Variants in RNF17 observed in about 807,000 individuals in gnomAD.
The protein encoded by RNF17 is spermatogenesis associated 23.
In RNF17, 31 loss-of-function variants were observed where a neutral mutation model predicts 200.5. The observed-to-expected ratio is 0.15, with a 90% CI of 0.12 to 0.21. The LOEUF (loss-of-function observed/expected upper bound fraction) is 0.21, where lower values mean the gene tolerates loss of function less well. RNF17 is among the 10% of genes least tolerant of loss of function. The pLI is 1.00. For synonymous variants in RNF17, 606 were observed against 637.8 expected, an observed-to-expected ratio of 0.95 and a Z score of 0.75; for missense variants, 1,628 against 1,905.1, an observed-to-expected ratio of 0.85 and a Z score of 2.71.
the RNF17 span, chr13:24,886,414 C>G: frequency 8.1e-7 from 1 of 1,238,864 alleles, no homozygotes; most frequent in South Asian, 1.3e-5. Context: ...TCCATTACAC[C>G]ATGGGAAATC....
At chr13:24,854,566 G>A (rs949387677) in intron 25 of RNF17, among the ~76,000 whole-genome samples, 1 of 151,932 alleles carries the variant, frequency 6.6e-6, no homozygotes, top group Non-Finnish European at 1.5e-5. Context: ...GTAAGCATGT[G>A]CCAAAGAAGG....
At position 24,793,220 on chromosome 13, in the gene RNF17, G is replaced by A; in HGVS notation, c.1114G>A (p.Glu372Lys). The A allele has an allele frequency of 6.2e-7, 1 of 1,614,074 alleles. No individual in the cohort carries two copies. ...ACCTGAGACAAATGATGTACATTTA[G>A]AAGCAAAAAACTTCCAGCCACAGAA... ...LQPETNDVHL[E>K]AKNFQPQKDV... Residue 372 changes from glutamate to lysine, a missense_variant, in exon 10 of 36, where the codon GAA (glutamate) becomes AAA (lysine). This residue lies in a region of RNF17 where 502 missense variants were observed against 501.7 expected (regional missense o/e 1.00). Transcript: ENST00000255324.
chr13:24,808,299 G>A (rs1188193411), intron 15 of RNF17, among the ~76,000 whole-genome samples: 1 of 151,982 alleles, frequency 6.6e-6, no homozygotes, highest in Non-Finnish European at 1.5e-5. Context: ...TCTTCCATTT[G>A]TTTGTATCCT....
At chr13:24,821,849 T>C (rs1433026783) in intron 15 of RNF17, among the ~76,000 whole-genome samples, 2 of 152,226 alleles carry the variant, frequency 1.3e-5, no homozygotes, top group Admixed American at 6.5e-5. Context: ...GCATAATTAT[T>C]AAAATAATTT....
At position 24,832,101 on chromosome 13, in the gene RNF17, T is replaced by A. The variant is rs933537042; in HGVS notation, c.2482+123T>A. ...AGTAGTGGTGGTGAGAGATAAGATT[T>A]GTTGAGAATTAGGTACAATGGAATT... On this transcript the variant is annotated intron_variant, in intron 18 of 35. Transcript: ENST00000255324. 1.4e-5 allele frequency: 9 copies of A among 664,140 alleles called. No homozygotes were observed. In the African/African-American group the frequency reaches 1.7e-4, roughly 12 times the overall value. The allele number at this position is 664,140 out of a possible 1,614,324, so 41.1% of individuals were successfully genotyped here. A position where few individuals can be genotyped will look rare whatever the true frequency, so the allele number is the denominator to read the frequency against.
intron 14 of RNF17, among the ~76,000 whole-genome samples, chr13:24,802,888 A>G (rs1448683567): frequency 2.0e-5 from 3 of 152,116 alleles, no homozygotes; most frequent in Admixed American, 2.0e-4. Flanking sequence ...TCGTCTCTAC[A>G]ACGAAATACA....
chr13:24,811,547 A>AT (rs1398603938), intron 15 of RNF17, among the ~76,000 whole-genome samples: 3 of 151,496 alleles, frequency 2.0e-5, no homozygotes, highest in East Asian at 1.9e-4. Context: ...ATTCTTCTAA[A>AT]TTTTTTTCAA....
chr13:24,793,993 T>C (rs1884220453), intron 10 of RNF17, among the ~76,000 whole-genome samples: 1 of 152,232 alleles, frequency 6.6e-6, no homozygotes, highest in African/African-American at 2.4e-5. Flanking sequence ...GTATTATCAT[T>C]GATGTCTCAA....
intron 18 of RNF17, among the ~76,000 whole-genome samples, chr13:24,834,516 C>T (rs1490667205): frequency 6.6e-6 from 1 of 152,204 alleles, no homozygotes; most frequent in Non-Finnish European, 1.5e-5. Flanking sequence ...CTGAGTACCC[C>T]AACTGCAGAA....
intron 2 of RNF17, among the ~76,000 whole-genome samples, chr13:24,771,677 CAA>C (rs1292808611): frequency 3.4e-5 from 5 of 149,002 alleles, no homozygotes; most frequent in African/African-American, 1.2e-4. Flanking sequence ...CTTCCTAACT[CAA>C]AGTTATATAT....
intron 18 of RNF17, among the ~76,000 whole-genome samples, chr13:24,834,901 C>G (rs1023637003): frequency 1.3e-5 from 2 of 152,150 alleles, no homozygotes; most frequent in African/African-American, 4.8e-5. Context: ...CTTTTCTTTC[C>G]CAGCTGGGAG....
Position 24,861,302 on chromosome 13 carries a change from T to G in RNF17, c.3809T>G (p.Ile1270Ser), listed in dbSNP as rs768169797. 3.8e-6 allele frequency: 6 copies of G among 1,595,674 alleles called. No individual in the cohort carries two copies. The highest frequency in any genetic ancestry group is 5.1e-6 in the Non-Finnish European group (6 of 1,169,910). ...QYLDHGFTEK[I>S]PQCHLYPILL... ...TTAGATCATGGATTCACTGAAAAGA[T>G]TCCGCAGTGCCATCTTTACCCTATT... The change falls in exon 27 of 36, where the codon ATT becomes AGT. Residue 1270 changes from isoleucine to serine, a missense_variant. This residue lies in a region of RNF17 where 609 missense variants were observed against 681.9 expected (regional missense o/e 0.89). Coordinates refer to ENST00000255324, the MANE Select transcript of RNF17 (RefSeq NM_031277.3).
chr13:24,874,370 G>T, intron 33 of RNF17, 121 bp downstream of exon 33: 1 of 789,690 alleles, frequency 1.3e-6, no homozygotes, highest in South Asian at 2.5e-5. Flanking sequence ...TATAAATTAG[G>T]AATTTTTTTC....
chr13:24,796,087 T>A, intron 10 of RNF17, 50 bp from the exon 11 acceptor site: 1 of 1,409,640 alleles, frequency 7.1e-7, no homozygotes, highest in African/African-American at 1.4e-5. Context: ...CTTTCATGAA[T>A]TATTTTCTAA....
At chr13:24,814,331 G>C (rs551293756) in intron 15 of RNF17, among the ~76,000 whole-genome samples, 1 of 152,246 alleles carries the variant, frequency 6.6e-6, no homozygotes, top group East Asian at 1.9e-4. Flanking sequence ...CATTTTGTGG[G>C]TTGTCTTTTC....
At position 24,799,579 on chromosome 13, in the gene RNF17, C is replaced by A; in HGVS notation, c.1584C>A (p.Val528=). Residue 528 remains valine, a synonymous_variant, in exon 12 of 36, where the codon GTC becomes GTA. Transcript: ENST00000255324. ...TTGGAAATTCTGAAGTCCTGATTGT[C>A]ACTGGGTATGATATTTTATAATATG... is the stretch of plus-strand genomic sequence containing the variant. ...VDFGNSEVLI[V]TGVVDTHVRP... is the part of the protein sequence containing the mutation. The A allele has an allele frequency of 1.3e-6, 2 of 1,584,748 alleles. No homozygotes were observed. Among genetic ancestry groups the A allele is most frequent in the South Asian group, 1.1e-5 (1 of 89,776 alleles).
Position 24,845,946 on chromosome 13 carries a change from G to A in RNF17, c.3101+867G>A, listed in dbSNP as rs1158165027. ...AGATCCAGATGAAAGGAGGGGAAAG[G>A]GCCAGGTGAGGTGGCTCACACCTGT... On this transcript the variant is annotated intron_variant, in intron 22 of 35. Coordinates refer to ENST00000255324, the MANE Select transcript of RNF17 (RefSeq NM_031277.3). 3.3e-5 allele frequency among the ~76,000 whole-genome samples: 5 copies of A among 152,104 alleles called. No individual in the cohort carries two copies. In the East Asian group the frequency reaches 9.6e-4, roughly 29 times the overall value.
rs1314058338 is a variant in RNF17 at position 24,866,152 on chromosome 13, A to C, written c.4110A>C (p.Arg1370Ser). ...HTEEMLKEKP[R>S]SDHDKKYEEE... is the part of the protein sequence containing the mutation. ...ATACCATATTATTTCAGAAACCAAG[A>C]TCAGATCATGATAAAAAGTATGAAG... The change falls in exon 30 of 36, where the codon AGA (arginine) becomes AGC (serine). Residue 1370 changes from arginine (R) to serine (S), a missense_variant. This residue lies in a region of RNF17 where 609 missense variants were observed against 681.9 expected (regional missense o/e 0.89). Coordinates refer to ENST00000255324, the MANE Select transcript of RNF17 (RefSeq NM_031277.3). 1 of 1,519,214 alleles carries C rather than the reference A, an allele frequency of 6.6e-7. No individual in the cohort carries two copies. The highest frequency in any genetic ancestry group is 1.1e-5 in the South Asian group (1 of 87,050). 94.1% of individuals were successfully genotyped at this position (1,519,214 alleles called of 1,614,324 possible).
chr13:24,764,316 G>C lies in RNF17; in HGVS notation c.113G>C (p.Arg38Thr). 6.2e-7 allele frequency: 1 copy of C among 1,607,776 alleles called. No individual in the cohort carries two copies. Among genetic ancestry groups the C allele is most frequent in the Non-Finnish European group, 8.5e-7 (1 of 1,176,218 alleles). The change falls in exon 1 of 36, where the codon AGG becomes ACG. Residue 38 changes from arginine to threonine, a missense_variant. Transcript: ENST00000255324. ...ATCCAGTGCACCAGGTGTGGAAGGA[G>C]GGTATCCAGATCATCCGGTGAGGAG... ...AEIQCTRCGR[R>T]VSRSSGHHCE...
Sources: allele counts gnomAD v4.1 joint callset (sites outside exome capture counted in the v4.1 genomes callset), GRCh38; gene constraint gnomAD v4.1.1; regional missense constraint gnomAD v4.1.1; transcripts MANE v1.5; gene names NCBI Gene and HGNC (gene_info 2026-07-23, HGNC 2026-07-21).